The following EYS variants were observed in gnomAD, a reference collection of about 807,000 sequenced individuals.
The protein encoded by EYS is EGF-like photoreceptor maintenance factor, also known as protein eyes shut homolog.
Under a neutral mutation model 282.1 loss-of-function variants are expected in EYS, and 250 were observed. That is an observed-to-expected ratio of 0.89 (90% CI 0.80 to 0.98). The LOEUF is 0.98. EYS is among the 50% of genes least tolerant of loss of function. The pLI, the probability that EYS is intolerant of heterozygous loss-of-function variation, is 0.00. For missense variants in EYS, 4,016 were observed against 3,709.0 expected (o/e 1.08, Z -2.15); for synonymous variants, 1,355 against 1,282.9 (o/e 1.06, Z -1.20).
At chr6:65,575,553 A>G (rs555472068) in intron 2 of EYS, among the ~76,000 whole-genome samples, 23 of 151,834 alleles carry the variant, frequency 1.5e-4, no homozygotes, top group Non-Finnish European at 2.9e-4. Context: ...AAAGAACAAT[A>G]TAAACCCAAA....
chr6:64,956,011 T>A (rs1012483979), intron 14 of EYS, among the ~76,000 whole-genome samples: 2 of 152,100 alleles, frequency 1.3e-5, no homozygotes, highest in African/African-American at 2.4e-5. Context: ...GAAACTGCAA[T>A]ACTATGCAAA....
At chr6:63,894,639 T>C (rs1459694023) in intron 35 of EYS, among the ~76,000 whole-genome samples, 1 of 151,896 alleles carries the variant, frequency 6.6e-6, no homozygotes, top group Non-Finnish European at 1.5e-5. Context: ...TGGAGTGCAG[T>C]GGCACAATCT....
At chr6:63,831,374 C>A (rs916610918) in intron 36 of EYS, among the ~76,000 whole-genome samples, 3 of 152,082 alleles carry the variant, frequency 2.0e-5, no homozygotes, top group Non-Finnish European at 1.5e-5. Flanking sequence ...GAAGGAAGAT[C>A]TACCAAGCAA....
chr6:64,300,373 TTG>T (rs1003302434), intron 30 of EYS, among the ~76,000 whole-genome samples: 4 of 152,158 alleles, frequency 2.6e-5, no homozygotes, highest in Non-Finnish European at 4.4e-5. Flanking sequence ...GCAAAATTTC[TTG>T]TGTTTCTTGT....
intron 2 of EYS, among the ~76,000 whole-genome samples, chr6:65,588,268 G>T (rs1326012056): frequency 6.6e-6 from 1 of 151,818 alleles, no homozygotes; most frequent in African/African-American, 2.4e-5. Flanking sequence ...CATTTTTACT[G>T]ATTTTTTTCT....
At chr6:65,391,188 G>A (rs1467177358) in intron 7 of EYS, among the ~76,000 whole-genome samples, 2 of 151,944 alleles carry the variant, frequency 1.3e-5, no homozygotes, top group African/African-American at 4.8e-5. Context: ...CTTAAATGAG[G>A]CATTTAGGGG....
intron 31 of EYS, among the ~76,000 whole-genome samples, chr6:64,180,311 C>A (rs1764752567): frequency 6.6e-6 from 1 of 152,108 alleles, no homozygotes; most frequent in Admixed American, 6.6e-5. Context: ...CATGTGTAAT[C>A]CTCCATTGTA....
In EYS at chr6:64,040,949, T is replaced by C. The variant is rs571256257; in HGVS notation, c.6725+25389A>G. ...AAATAGAGGTATTCATTTCAAAATC[T>C]GCAATCAGATTTTGGTTCATAGAAA... is the stretch of plus-strand genomic sequence containing the variant. On this transcript the variant is annotated intron_variant, in intron 33 of 42. Coordinates refer to ENST00000503581, the MANE Select transcript of EYS (RefSeq NM_001142800.2). Among the ~76,000 whole-genome samples, 6 of 152,322 alleles carry C rather than the reference T, an allele frequency of 3.9e-5. No individual in the cohort carries two copies. In the South Asian group the frequency reaches 1.2e-3, roughly 32 times the overall value.
intron 22 of EYS, among the ~76,000 whole-genome samples, chr6:64,804,424 T>C (rs1764361585): frequency 6.6e-6 from 1 of 152,186 alleles, no homozygotes; most frequent in Non-Finnish European, 1.5e-5. Flanking sequence ...AACCATTTTT[T>C]ACTATTTATC....
intron 1 of EYS, among the ~76,000 whole-genome samples, chr6:65,655,976 C>T (rs746305397): frequency 2.6e-5 from 4 of 151,784 alleles, no homozygotes; most frequent in South Asian, 2.1e-4. Context: ...CGTGTCTCTG[C>T]GTCACATTTT....
chr6:65,390,167 G>A (rs1013614004), intron 7 of EYS, among the ~76,000 whole-genome samples: 1 of 151,418 alleles, frequency 6.6e-6, no homozygotes, highest in Non-Finnish European at 1.5e-5. Flanking sequence ...GTGAAGGAGA[G>A]GGGGAAATTA....
chr6:64,271,123 T>A (rs1265718557), intron 30 of EYS, among the ~76,000 whole-genome samples: 3 of 152,206 alleles, frequency 2.0e-5, no homozygotes, highest in African/African-American at 7.2e-5. Context: ...TTATAAACAT[T>A]CTTCTGCATA....
chr6:64,319,243 C>A (rs908153323), intron 29 of EYS, among the ~76,000 whole-genome samples: 11 of 151,984 alleles, frequency 7.2e-5, no homozygotes, highest in Non-Finnish European at 1.2e-4. Context: ...ACAAAAACAA[C>A]TTCAATAGTT....
intron 26 of EYS, among the ~76,000 whole-genome samples, chr6:64,532,432 G>A (rs755598559): frequency 2.6e-5 from 4 of 152,130 alleles, no homozygotes; most frequent in African/African-American, 7.2e-5. Context: ...ATTCTAGGCC[G>A]GGCGCGGTGG....
At chr6:65,173,860 G>T (rs985645455) in intron 12 of EYS, among the ~76,000 whole-genome samples, 2 of 151,130 alleles carry the variant, frequency 1.3e-5, no homozygotes, top group Non-Finnish European at 3.0e-5. Flanking sequence ...GCATAGTAAG[G>T]CTAAATCTTA....
intron 41 of EYS, among the ~76,000 whole-genome samples, chr6:63,756,660 G>T (rs1769492570): frequency 6.6e-6 from 1 of 151,916 alleles, no homozygotes; most frequent in Non-Finnish European, 1.5e-5. Flanking sequence ...AGGGAGTGTT[G>T]TGGGAAGTCA....
intron 36 of EYS, 57 bp from the exon 37 acceptor site, chr6:63,806,429 T>A: frequency 7.1e-7 from 1 of 1,413,750 alleles, no homozygotes; most frequent in East Asian, 2.5e-5. Context: ...ATTTGTAAAG[T>A]GAGGGTTACG....
At chr6:65,610,196 C>T (rs1362270378) in intron 2 of EYS, among the ~76,000 whole-genome samples, 1 of 152,054 alleles carries the variant, frequency 6.6e-6, no homozygotes, top group Admixed American at 6.6e-5. Context: ...TATGAGCTGC[C>T]ATGCCCGGCC....
chr6:64,306,921 G>A (rs974197953), intron 30 of EYS, 49 bp downstream of exon 30: 1 of 841,222 alleles, frequency 1.2e-6, no homozygotes, highest in Non-Finnish European at 2.0e-6. Context: ...ATATCTTTTG[G>A]TGTGGTTATT....
Sources: gnomAD v4.1 joint callset for allele counts (sites outside exome capture counted in the v4.1 genomes callset) on GRCh38, gnomAD v4.1.1 for gene constraint, MANE v1.5 for transcripts, NCBI Gene and HGNC (gene_info 2026-07-23, HGNC 2026-07-21) for gene names.